RNF14: variants seen among roughly 807,000 people sequenced by gnomAD.
RNF14 encodes the protein ring finger protein 14, also known as E3 ubiquitin-protein ligase RNF14.
Under a neutral mutation model 52.6 loss-of-function variants are expected in RNF14, and 26 were observed. The ratio of observed to expected loss-of-function variants is 0.49; its 90% CI spans 0.36 to 0.69. The LOEUF (loss-of-function observed/expected upper bound fraction) is 0.69. Ranked by LOEUF, RNF14 falls within the 30% of genes least tolerant of loss-of-function variation. RNF14 has a pLI of 0.00. For missense variants in RNF14, 404 were observed against 560.4 expected (o/e 0.72, Z 2.82); for synonymous variants, 194 against 202.0 (o/e 0.96, Z 0.34).
At chr5:141,979,244 G>T (rs890430337) in intron 5 of RNF14, among the ~76,000 whole-genome samples, 1 of 151,970 alleles carries the variant, frequency 6.6e-6, no homozygotes, top group Non-Finnish European at 1.5e-5. Flanking sequence ...TGTTGTTGTT[G>T]TTGTTGTTGT....
chr5:141,956,351 C>G, upstream of RNF14: 1 of 1,614,176 alleles, frequency 6.2e-7, no homozygotes, highest in Non-Finnish European at 8.5e-7. Flanking sequence ...ACTGGGGAGT[C>G]CTGGATGCGG....
At chr5:141,956,982 C>T (rs1753195478), upstream of RNF14, 1 of 1,614,216 alleles carries the variant, frequency 6.2e-7, no homozygotes, top group African/African-American at 1.3e-5. Flanking sequence ...TGTCCAGCAC[C>T]TCTGGAGGCA....
the RNF14 span, chr5:141,953,197 C>T: frequency 1.3e-5 from 2 of 152,236 alleles, no homozygotes; most frequent in Admixed American, 6.5e-5. Context: ...AGGTTCAAAT[C>T]CTAAATATGT....
chr5:141,987,228 G>A (rs529830992), intron 8 of RNF14, among the ~76,000 whole-genome samples: 25 of 152,194 alleles, frequency 1.6e-4, no homozygotes, highest in Admixed American at 7.2e-4. Flanking sequence ...CATCATGGCC[G>A]GGAACTGTTT....
chr5:141,957,457 TG>T, upstream of RNF14: 3 of 1,612,680 alleles, frequency 1.9e-6, no homozygotes, highest in Non-Finnish European at 2.5e-6. This position sits in a 1 kb window ranked among gnomAD's most constrained non-coding sequence, Gnocchi z 4.3. Flanking sequence ...AAACCGTGGC[TG>T]GTGGTCATTG....
upstream of RNF14, chr5:141,954,873 A>C: frequency 1.4e-6 from 2 of 1,445,130 alleles, no homozygotes; most frequent in South Asian, 2.7e-5. Context: ...GGTGAGCCTA[A>C]GGAAGAAACA....
upstream of RNF14, chr5:141,956,427 G>T (rs367840034): frequency 1.2e-6 from 2 of 1,614,248 alleles, no homozygotes; most frequent in Admixed American, 1.7e-5. Flanking sequence ...GGTGAAGAGA[G>T]GGTAAGTTGT....
At chr5:141,978,885 T>A in intron 5 of RNF14, 55 bp downstream of exon 5, 1 of 1,570,240 alleles carries the variant, frequency 6.4e-7, no homozygotes, top group South Asian at 1.2e-5. Context: ...TAAATGGAGA[T>A]ATCATCTCAG....
intron 8 of RNF14, 80 bp downstream of exon 8, chr5:141,985,013 T>A: frequency 7.9e-7 from 1 of 1,262,900 alleles, no homozygotes; most frequent in African/African-American, 1.5e-5. Context: ...GTGTTTTATT[T>A]AAGTACTTGG....
chr5:141,982,961 A>G (rs1007045563), intron 6 of RNF14, among the ~76,000 whole-genome samples: 2 of 152,206 alleles, frequency 1.3e-5, no homozygotes, highest in African/African-American at 4.8e-5. Context: ...AAATCAAAGG[A>G]AAAAAATAGC....
chr5:141,976,596 C>G (rs1754275260), intron 4 of RNF14, among the ~76,000 whole-genome samples: 1 of 152,104 alleles, frequency 6.6e-6, no homozygotes. Flanking sequence ...CATTATGACT[C>G]TCACCTGTTA....
chr5:141,970,330 T>C (rs1753634721), intron 1 of RNF14, among the ~76,000 whole-genome samples: 1 of 152,078 alleles, frequency 6.6e-6, no homozygotes, highest in Non-Finnish European at 1.5e-5. Context: ...GAGGAAAAAC[T>C]GGAGGGGAGT....
At chr5:141,974,622 G>A (rs41290611) in intron 3 of RNF14, among the ~76,000 whole-genome samples, 182 bp from the exon 4 acceptor site, 2,236 of 152,236 alleles carry the variant, frequency 0.015, 32 homozygotes, top group Admixed American at 0.031. Context: ...TTTTTCAAGG[G>A]CTTACAAGAT....
At chr5:141,957,290 G>T (rs374595358), upstream of RNF14, 5 of 1,613,576 alleles carry the variant, frequency 3.1e-6, no homozygotes, top group Non-Finnish European at 3.4e-6. This position sits in a 1 kb window ranked among gnomAD's most constrained non-coding sequence, Gnocchi z 4.3. Flanking sequence ...GTCTCATCAG[G>T]GCCCACAATG....
At chr5:141,956,149 G>A, upstream of RNF14, 2 of 1,614,206 alleles carry the variant, frequency 1.2e-6, no homozygotes, top group Non-Finnish European at 1.7e-6. Context: ...GCTGAGCACA[G>A]GCTGGACCAC....
chr5:141,975,903 TGACA>T (rs1468337555), intron 4 of RNF14, among the ~76,000 whole-genome samples: 2 of 144,156 alleles, frequency 1.4e-5, no homozygotes, highest in African/African-American at 2.6e-5. Flanking sequence ...CCAGCCTGGG[TGACA>T]GACAGAGACC....
chr5:141,957,402 C>T (rs139850255), upstream of RNF14: 428 of 1,613,268 alleles, frequency 2.7e-4, no homozygotes, highest in Non-Finnish European at 3.5e-4. This position sits in a 1 kb window ranked among gnomAD's most constrained non-coding sequence, Gnocchi z 4.3. Flanking sequence ...TCCGGGTTCG[C>T]AGAGAGGCGC....
upstream of RNF14, among the ~76,000 whole-genome samples, chr5:141,968,332 C>T (rs996641181): frequency 2.0e-5 from 3 of 152,144 alleles, no homozygotes; most frequent in East Asian, 1.9e-4. Context: ...GTCTCGATCT[C>T]CTGACCTCGT....
At chr5:141,963,887 G>A (rs1374496642), upstream of RNF14, among the ~76,000 whole-genome samples, 1 of 152,206 alleles carries the variant, frequency 6.6e-6, no homozygotes, top group Non-Finnish European at 1.5e-5. Flanking sequence ...ACAGCCAGGA[G>A]TTGAGCCTGG....
Sources: gnomAD v4.1 joint callset for allele counts (sites outside exome capture counted in the v4.1 genomes callset) on GRCh38, gnomAD v4.1.1 for gene constraint, Gnocchi (gnomAD v3.1) non-coding constraint, MANE v1.5 for transcripts, NCBI Gene and HGNC (gene_info 2026-07-23, HGNC 2026-07-21) for gene names.